LARP1B: variants seen among roughly 807,000 people sequenced by gnomAD.
LARP1B encodes la-related protein 1B.
LARP1B carries 76 observed loss-of-function variants against 114.2 expected under a neutral mutation model. The ratio of observed to expected loss-of-function variants is 0.67; its 90% CI spans 0.55 to 0.81. LARP1B has a LOEUF of 0.81. LARP1B is among the 30% of genes least tolerant of loss of function. The pLI is 0.00. For synonymous variants in LARP1B, 345 were observed against 348.0 expected, an observed-to-expected ratio of 0.99 and a Z score of 0.10; for missense variants, 1,014 against 1,075.8, an observed-to-expected ratio of 0.94 and a Z score of 0.80.
At chr4:128,176,994 G>A in intron 13 of LARP1B, 87 bp downstream of exon 13, 1 of 1,153,714 alleles carries the variant, frequency 8.7e-7, no homozygotes, top group Non-Finnish European at 1.3e-6. Context: ...CTTTCAGACA[G>A]AAGAAAAAGC....
intron 17 of LARP1B, among the ~76,000 whole-genome samples, chr4:128,203,436 C>A (rs890153368): frequency 2.7e-5 from 4 of 150,128 alleles, no homozygotes; most frequent in African/African-American, 4.9e-5. Flanking sequence ...TGCAGTGTCG[C>A]GATCTCGGCT....
intron 8 of LARP1B, 107 bp downstream of exon 8, chr4:128,098,437 T>G: frequency 5.8e-6 from 5 of 869,416 alleles, no homozygotes; most frequent in Non-Finnish European, 8.7e-6. Context: ...TGTAGTTGCT[T>G]GAGGCTCAGA....
Position 128,200,614 on chromosome 4 carries a change from T to G in LARP1B, c.2258T>G (p.Met753Arg). The change falls in exon 17 of 20, where the codon ATG (methionine) becomes AGG (arginine). Residue 753 changes from methionine (M) to arginine (R), a missense_variant. Coordinates refer to ENST00000326639, the MANE Select transcript of LARP1B (RefSeq NM_018078.4). Reference protein sequence around the residue: ...FFLRDHFNKKMYEEFRQLAWE... With the variant: ...FFLRDHFNKKRYEEFRQLAWE... ...CTCAGAGATCACTTCAATAAAAAAA[T>G]GTATGAGGAATTTAGACAACTTGCT... 4 of 1,591,412 alleles carry G rather than the reference T, an allele frequency of 2.5e-6. No individual in the cohort carries two copies. Among genetic ancestry groups the G allele is most frequent in the East Asian group, 2.3e-5 (1 of 44,082 alleles).
In LARP1B at chr4:128,107,363, C is replaced by T. The variant is rs148967698; in HGVS notation, c.988+50C>T. 7.2e-4 allele frequency: 1,152 copies of T among 1,594,210 alleles called. 5 individuals carry two copies. In the Middle Eastern group the frequency reaches 9.0e-3, roughly 12 times the overall value. On this transcript the variant is annotated intron_variant, in intron 9 of 19. Coordinates refer to ENST00000326639, the MANE Select transcript of LARP1B (RefSeq NM_018078.4). ...ACGATGTAACAGTGGGTTATTTGGTCCAATTTACTTACTTATTTATTTATT... is the reference window on the plus strand; with the variant it reads ...ACGATGTAACAGTGGGTTATTTGGTTCAATTTACTTACTTATTTATTTATT...
chr4:128,090,828 T>A (rs575003825), intron 5 of LARP1B, among the ~76,000 whole-genome samples, 173 bp from the exon 6 acceptor site: 107 of 152,352 alleles, frequency 7.0e-4, no homozygotes, highest in African/African-American at 2.3e-3. Context: ...ATGCTAGAGA[T>A]ATTTTTGATA....
intron 3 of LARP1B, 57 bp downstream of exon 3, chr4:128,075,050 C>A: frequency 9.0e-7 from 1 of 1,107,452 alleles, no homozygotes. Context: ...TTCATTTCGA[C>A]ATGCAGAATT....
chr4:128,186,298 G>T (rs1581408633), intron 15 of LARP1B, among the ~76,000 whole-genome samples: 1 of 152,172 alleles, frequency 6.6e-6, no homozygotes, highest in South Asian at 2.1e-4. Context: ...CAATCCATGA[G>T]CATGTGCTAT....
intron 11 of LARP1B, among the ~76,000 whole-genome samples, chr4:128,158,138 G>A (rs1044796406): frequency 6.6e-5 from 10 of 152,086 alleles, no homozygotes; most frequent in African/African-American, 2.2e-4. Flanking sequence ...TTCTAAATTT[G>A]TGTGCATCTA....
At chr4:128,108,544 C>T (rs2149812069) in intron 9 of LARP1B, 1 of 985,642 alleles carries the variant, frequency 1.0e-6, no homozygotes, top group Non-Finnish European at 1.2e-6. Context: ...TGGACAGTCT[C>T]ACACTATTTT....
intron 7 of LARP1B, among the ~76,000 whole-genome samples, chr4:128,094,557 A>C (rs1215870299): frequency 6.6e-6 from 1 of 151,008 alleles, no homozygotes; most frequent in East Asian, 2.0e-4. Context: ...GAGGCACGTG[A>C]CACTGCGCCC....
intron 7 of LARP1B, among the ~76,000 whole-genome samples, chr4:128,220,607 T>TA (rs745425181): frequency 5.3e-5 from 8 of 152,236 alleles, no homozygotes; most frequent in Non-Finnish European, 1.0e-4. Flanking sequence ...TATTTGGTTA[T>TA]TAGTAAATAT....
chr4:128,162,656 A>G (rs894013373), intron 12 of LARP1B, among the ~76,000 whole-genome samples: 1 of 152,092 alleles, frequency 6.6e-6, no homozygotes, highest in African/African-American at 2.4e-5. Flanking sequence ...CTTTTGTTTT[A>G]AGGGCTTAGC....
chr4:128,131,834 G>A (rs1791668655), intron 11 of LARP1B, among the ~76,000 whole-genome samples: 1 of 152,136 alleles, frequency 6.6e-6, no homozygotes, highest in South Asian at 2.1e-4. Context: ...TAGCCACCAG[G>A]GGAATTGAAA....
intron 11 of LARP1B, among the ~76,000 whole-genome samples, chr4:128,130,683 A>G (rs1791274664): frequency 6.6e-6 from 1 of 152,246 alleles, no homozygotes; most frequent in Non-Finnish European, 1.5e-5. Context: ...TAGCAAATTT[A>G]CTCAAATGAG....
rs1475447603 is a variant in LARP1B at position 128,122,125 on chromosome 4, C to A, written c.1461C>A (p.Gly487=). The A allele has an allele frequency of 6.2e-7, 1 of 1,613,948 alleles. No homozygotes were observed. Among genetic ancestry groups the A allele is most frequent in the Non-Finnish European group, 8.5e-7 (1 of 1,179,908 alleles). Residue 487 remains glycine, a synonymous_variant, in exon 11 of 20, where the codon GGC becomes GGA. Transcript: ENST00000326639. ...TSELAKVIND[G]LYYYEQDLWM... ...AACTTGCTAAAGTTATCAATGATGG[C>A]TTATACTATTATGAACAGGATCTAT...
At chr4:128,150,740 A>C (rs1732423703) in intron 11 of LARP1B, among the ~76,000 whole-genome samples, 1 of 152,208 alleles carries the variant, frequency 6.6e-6, no homozygotes, top group Admixed American at 6.5e-5. Flanking sequence ...GGAAAAAAAA[A>C]TAAATGAAGA....
intron 9 of LARP1B, chr4:128,107,796 CA>C: frequency 6.5e-7 from 1 of 1,527,906 alleles, no homozygotes. Context: ...TTAGAATTTC[CA>C]AAAGATTTAA....
downstream of LARP1B, among the ~76,000 whole-genome samples, chr4:128,216,725 A>C (rs2150982461): frequency 6.6e-6 from 1 of 151,842 alleles, no homozygotes; most frequent in African/African-American, 2.4e-5. Context: ...TAACATCACA[A>C]TTAAAAGAAC....
chr4:128,212,912 CTTTTTTTTT>C (rs1174891101), downstream of LARP1B, among the ~76,000 whole-genome samples: 7 of 83,740 alleles, frequency 8.4e-5, no homozygotes, highest in African/African-American at 2.4e-4. Context: ...AAATCTCTCT[CTTTTTTTTT>C]TTTTTTTTTT....
Sources: gnomAD v4.1 joint callset for allele counts (sites outside exome capture counted in the v4.1 genomes callset) on GRCh38, gnomAD v4.1.1 for gene constraint, MANE v1.5 for transcripts, NCBI Gene and HGNC (gene_info 2026-07-23, HGNC 2026-07-21) for gene names.